The following GRIK4 variants were observed in gnomAD, a reference collection of about 807,000 sequenced individuals.
GRIK4 encodes the protein glutamate ionotropic receptor kainate type subunit 4, also known as glutamate receptor ionotropic, kainate 4.
Under a neutral mutation model 104.9 loss-of-function variants are expected in GRIK4, and 40 were observed. The observed-to-expected ratio is 0.38, with a 90% confidence interval of 0.30 to 0.50. The LOEUF (loss-of-function observed/expected upper bound fraction) is 0.50. Ranked by LOEUF, GRIK4 falls within the 20% of genes least tolerant of loss-of-function variation. The pLI is 0.93. For synonymous variants in GRIK4, 485 were observed against 524.9 expected, an observed-to-expected ratio of 0.92 and a Z score of 1.04; for missense variants, 1,047 against 1,308.1, an observed-to-expected ratio of 0.80 and a Z score of 3.08.
intron 11 of GRIK4, among the ~76,000 whole-genome samples, chr11:120,890,697 A>G (rs1175533680): frequency 6.6e-6 from 1 of 152,170 alleles, no homozygotes; most frequent in Non-Finnish European, 1.5e-5. Context: ...AAGCATTATT[A>G]TTGTTGTCTG....
At chr11:120,830,988 C>T (rs1953413620) in intron 6 of GRIK4, among the ~76,000 whole-genome samples, 1 of 151,962 alleles carries the variant, frequency 6.6e-6, no homozygotes, top group South Asian at 2.1e-4. Flanking sequence ...TCTGGAACCC[C>T]TCCTCCCACC....
At chr11:120,936,204 C>A in intron 13 of GRIK4, 2 of 360,936 alleles carry the variant, frequency 5.5e-6, no homozygotes, top group Admixed American at 3.4e-5. Context: ...TGGCATTTTT[C>A]CTCCAGCTTC....
intron 1 of GRIK4, among the ~76,000 whole-genome samples, chr11:120,571,336 C>A (rs1283620551): frequency 6.6e-6 from 1 of 152,206 alleles, no homozygotes; most frequent in African/African-American, 2.4e-5. Flanking sequence ...CCGCTGCACA[C>A]CCTGCACTCT....
intron 3 of GRIK4, among the ~76,000 whole-genome samples, chr11:120,759,027 G>A (rs1192239838): frequency 2.6e-5 from 4 of 152,182 alleles, no homozygotes; most frequent in African/African-American, 7.2e-5. Flanking sequence ...ACAAAAGAGA[G>A]AGTCAAGGGT....
At chr11:120,580,221 TTC>T (rs775754493) in intron 1 of GRIK4, among the ~76,000 whole-genome samples, 4,555 of 148,052 alleles carry the variant, frequency 0.031, 273 homozygotes, top group African/African-American at 0.11. Flanking sequence ...CTTTCTTTCT[TTC>T]TTTCTTTCTT....
In GRIK4 at chr11:120,785,675, A is replaced by G. The variant is rs573924523; in HGVS notation, c.83-17018A>G. 7.2e-5 allele frequency among the ~76,000 whole-genome samples: 11 copies of G among 152,276 alleles called. No individual in the cohort carries two copies. In the South Asian group the frequency reaches 2.1e-3, roughly 29 times the overall value. ...TTTGCCTGGCTCTGTGCTGAGTTGTATGGGGGTTACAGGATGAGAGGAGAC... is the reference window on the plus strand; with the variant it reads ...TTTGCCTGGCTCTGTGCTGAGTTGTGTGGGGGTTACAGGATGAGAGGAGAC... On this transcript the variant is annotated intron_variant, in intron 3 of 20. Transcript: ENST00000527524.
chr11:120,577,799 G>A (rs1437935201), intron 1 of GRIK4, among the ~76,000 whole-genome samples: 1 of 152,196 alleles, frequency 6.6e-6, no homozygotes, highest in Admixed American at 6.5e-5. Context: ...TGGCGGCAGG[G>A]GCAGGTGGGT....
intron 11 of GRIK4, among the ~76,000 whole-genome samples, chr11:120,889,541 T>A (rs890000737): frequency 6.9e-6 from 1 of 145,324 alleles, no homozygotes. Flanking sequence ...ACTTTGGATG[T>A]CCCTGGAGAA....
intron 3 of GRIK4, among the ~76,000 whole-genome samples, chr11:120,785,420 A>C (rs1952246897): frequency 1.3e-5 from 2 of 152,202 alleles, no homozygotes; most frequent in African/African-American, 4.8e-5. Context: ...CTAACTGGGA[A>C]TATCAATCAG....
At chr11:120,568,639 C>T (rs905199595) in intron 1 of GRIK4, among the ~76,000 whole-genome samples, 6 of 152,180 alleles carry the variant, frequency 3.9e-5, no homozygotes, top group East Asian at 1.9e-4. Flanking sequence ...CCACCTACCT[C>T]GGCCCCCCAA....
chr11:120,575,270 C>T (rs1158005654), intron 1 of GRIK4, among the ~76,000 whole-genome samples: 1 of 152,266 alleles, frequency 6.6e-6, no homozygotes, highest in Non-Finnish European at 1.5e-5. Flanking sequence ...GTGGCGGGCT[C>T]ATGGTGCCTT....
intron 3 of GRIK4, among the ~76,000 whole-genome samples, chr11:120,706,793 G>A (rs370049620): frequency 1.3e-5 from 2 of 152,298 alleles, no homozygotes; most frequent in South Asian, 4.1e-4. Flanking sequence ...CCCCTCTGTA[G>A]CTGCTGTCCC....
chr11:120,526,874 T>C (rs902966945), intron 1 of GRIK4, among the ~76,000 whole-genome samples: 6 of 152,180 alleles, frequency 3.9e-5, no homozygotes, highest in African/African-American at 9.7e-5. Context: ...AAAAGTTCGT[T>C]TTTAAAGTGC....
At chr11:120,861,503 G>C (rs1954262539) in intron 8 of GRIK4, among the ~76,000 whole-genome samples, 1 of 152,158 alleles carries the variant, frequency 6.6e-6, no homozygotes, top group South Asian at 2.1e-4. Flanking sequence ...ACCATGGGCA[G>C]TTCACTGAAA....
At chr11:120,686,334 A>G (rs1349569662) in intron 3 of GRIK4, among the ~76,000 whole-genome samples, 1 of 152,214 alleles carries the variant, frequency 6.6e-6, no homozygotes, top group Non-Finnish European at 1.5e-5. Flanking sequence ...TATCAACCCA[A>G]TTCCAAATCA....
intron 3 of GRIK4, among the ~76,000 whole-genome samples, chr11:120,777,967 A>G (rs1757249774): frequency 6.6e-6 from 1 of 151,800 alleles, no homozygotes; most frequent in Non-Finnish European, 1.5e-5. Flanking sequence ...AAAAGGACGA[A>G]ATAAAGTAGA....
intron 1 of GRIK4, among the ~76,000 whole-genome samples, chr11:120,537,870 C>T (rs1947994055): frequency 6.6e-6 from 1 of 151,298 alleles, no homozygotes; most frequent in African/African-American, 2.4e-5. Context: ...AAAAAGAAAC[C>T]AACAAACAAA....
intron 6 of GRIK4, among the ~76,000 whole-genome samples, 155 bp downstream of exon 6, chr11:120,820,075 ATGTGTCCG>A (rs1393286897): frequency 7.2e-6 from 1 of 139,690 alleles, no homozygotes; most frequent in East Asian, 2.1e-4. Flanking sequence ...TCCCATGCTC[ATGTGTCCG>A]TGTGTGTGTG....
intron 13 of GRIK4, among the ~76,000 whole-genome samples, chr11:120,935,465 A>C (rs1356910003): frequency 6.6e-6 from 1 of 152,030 alleles, no homozygotes; most frequent in Non-Finnish European, 1.5e-5. Flanking sequence ...CAGGAGAATC[A>C]CTCGAATGTG....
Sources: allele counts gnomAD v4.1 joint callset (sites outside exome capture counted in the v4.1 genomes callset), GRCh38; gene constraint gnomAD v4.1.1; transcripts MANE v1.5; gene names NCBI Gene and HGNC (gene_info 2026-07-23, HGNC 2026-07-21).